Variants in PABPC1L observed in about 807,000 individuals in gnomAD.
The protein encoded by PABPC1L is poly(A) binding protein cytoplasmic 1 like.
PABPC1L carries 31 observed loss-of-function variants against 66.6 expected under a neutral mutation model. The ratio of observed to expected loss-of-function variants is 0.47; its 90% CI spans 0.35 to 0.63. The LOEUF (loss-of-function observed/expected upper bound fraction) is 0.63, where lower values mean the gene tolerates loss of function less well. Ranked by LOEUF, PABPC1L falls within the 20% of genes least tolerant of loss-of-function variation. The pLI is 0.00. For missense variants in PABPC1L, 722 were observed against 848.8 expected (o/e 0.85, Z 1.86); for synonymous variants, 348 against 335.1 (o/e 1.04, Z -0.42).
chr20:44,930,525 G>T lies in PABPC1L; in HGVS notation c.1038G>T (p.Ala346=), dbSNP rs758897975. The change falls in exon 8 of 15, where the codon GCG becomes GCT. Residue 346 remains alanine (A), a synonymous_variant. Coordinates refer to ENST00000217073, the MANE Select transcript of PABPC1L (RefSeq NM_001372179.1). The part of the protein sequence containing the change: ...GFVCFSSPEE[A]TKAVTEMNGR... ...TGTGTTTTTCCTCCCCAGAAGAGGCGACAAAGGCCGTGACAGAGATGAACG... is the reference window on the plus strand; with the variant it reads ...TGTGTTTTTCCTCCCCAGAAGAGGCTACAAAGGCCGTGACAGAGATGAACG... 6.2e-7 allele frequency: 1 copy of T among 1,614,256 alleles called. No homozygotes were observed. The highest frequency in any genetic ancestry group is 1.1e-5 in the South Asian group (1 of 91,092).
intron 8 of PABPC1L, among the ~76,000 whole-genome samples, 200 bp downstream of exon 8, chr20:44,930,926 ATGT>A (rs1219944731): frequency 6.6e-6 from 1 of 152,184 alleles, no homozygotes; most frequent in East Asian, 1.9e-4. Context: ...AAGCTCGTGA[ATGT>A]TGTGCTGAAA....
intron 2 of PABPC1L, among the ~76,000 whole-genome samples, chr20:44,916,071 C>T (rs1421405160): frequency 6.6e-6 from 1 of 152,004 alleles, no homozygotes; most frequent in Non-Finnish European, 1.5e-5. Flanking sequence ...TGTGCACATA[C>T]AGTAGACTGG....
chr20:44,925,810 C>G (rs1215127809), intron 7 of PABPC1L, among the ~76,000 whole-genome samples: 1 of 152,198 alleles, frequency 6.6e-6, no homozygotes, highest in Non-Finnish European at 1.5e-5. Context: ...TCTTTCCAAG[C>G]AAATGCATAT....
chr20:44,922,120 T>A (rs1207453581), intron 6 of PABPC1L, among the ~76,000 whole-genome samples: 1 of 152,216 alleles, frequency 6.6e-6, no homozygotes, highest in Non-Finnish European at 1.5e-5. Context: ...AGGCCAAATA[T>A]GTTACATCCA....
chr20:44,912,480 T>C (rs1480196234), intron 1 of PABPC1L, among the ~76,000 whole-genome samples, 180 bp from the exon 2 acceptor site: 1 of 152,192 alleles, frequency 6.6e-6, no homozygotes, highest in Non-Finnish European at 1.5e-5. Context: ...TCTCAGCTTA[T>C]CCTTCCTGAG....
chr20:44,910,716 G>T (rs1568640892), intron 1 of PABPC1L, among the ~76,000 whole-genome samples: 1 of 152,186 alleles, frequency 6.6e-6, no homozygotes, highest in Non-Finnish European at 1.5e-5. Flanking sequence ...CTTATAGAGT[G>T]CTTGTGAGGA....
intron 12 of PABPC1L, chr20:44,937,137 A>G (rs1382672678): frequency 2.7e-6 from 1 of 377,098 alleles, no homozygotes; most frequent in Non-Finnish European, 5.2e-6. Context: ...TCCAGTGCTC[A>G]ATGCGGGCAG....
intron 7 of PABPC1L, among the ~76,000 whole-genome samples, 197 bp from the exon 8 acceptor site, chr20:44,930,263 C>T (rs894025026): frequency 1.3e-5 from 2 of 151,950 alleles, no homozygotes; most frequent in African/African-American, 4.8e-5. Flanking sequence ...CCCTCCATCA[C>T]AGCTTGCTAA....
At chr20:44,928,570 G>C in intron 7 of PABPC1L, among the ~76,000 whole-genome samples, 1 of 151,992 alleles carries the variant, frequency 6.6e-6, no homozygotes, top group East Asian at 1.9e-4. Context: ...ACCTGAGGGG[G>C]ATCCATGGAC....
intron 1 of PABPC1L, among the ~76,000 whole-genome samples, chr20:44,911,206 G>A (rs1372518660): frequency 2.0e-5 from 3 of 152,072 alleles, no homozygotes; most frequent in Non-Finnish European, 4.4e-5. Context: ...GCTCACGCCT[G>A]TAATCCCAGC....
intron 2 of PABPC1L, among the ~76,000 whole-genome samples, chr20:44,914,993 T>C (rs1016363647): frequency 6.6e-6 from 1 of 152,212 alleles, no homozygotes; most frequent in Non-Finnish European, 1.5e-5. Flanking sequence ...GTAATGCCCT[T>C]AGCAGGTTCT....
intron 2 of PABPC1L, 144 bp from the exon 3 acceptor site, chr20:44,916,612 G>A (rs565495110): frequency 2.0e-5 from 15 of 745,294 alleles, no homozygotes; most frequent in Admixed American, 4.0e-5. Context: ...CACTCTTTGA[G>A]CTTCCATACC....
intron 7 of PABPC1L, among the ~76,000 whole-genome samples, chr20:44,925,279 A>T (rs1184390796): frequency 1.3e-5 from 2 of 151,734 alleles, no homozygotes. Context: ...TTCATTCTAT[A>T]CTTAAATACC....
intron 2 of PABPC1L, among the ~76,000 whole-genome samples, chr20:44,916,367 G>A (rs549591533): frequency 3.3e-5 from 5 of 152,244 alleles, no homozygotes; most frequent in East Asian, 3.9e-4. Context: ...CCGCCTCCTC[G>A]GTTCAAGCAA....
At chr20:44,923,939 G>A (rs1175164808) in intron 6 of PABPC1L, among the ~76,000 whole-genome samples, 4 of 152,334 alleles carry the variant, frequency 2.6e-5, no homozygotes, top group African/African-American at 9.6e-5. Context: ...CAGTGCAGAT[G>A]TGTGAGAACT....
Position 44,924,281 on chromosome 20 carries a change from G to C in PABPC1L, c.972+25G>C, listed in dbSNP as rs767867392. 1.4e-5 allele frequency: 21 copies of C among 1,546,020 alleles called. No individual in the cohort carries two copies. In the East Asian group the frequency reaches 4.5e-4, roughly 33 times the overall value. On this transcript the variant is annotated intron_variant, in intron 7 of 14. Coordinates refer to ENST00000217073, the MANE Select transcript of PABPC1L (RefSeq NM_001372179.1). Reference sequence around the variant, plus strand: ...GGTGAGGACTGGGGGCACCTCCGGGGGACAGCGTTCCCCTCCATCCTCTCA... The same window carrying C: ...GGTGAGGACTGGGGGCACCTCCGGGCGACAGCGTTCCCCTCCATCCTCTCA...
At position 44,930,984 on chromosome 20, in the gene PABPC1L, C is replaced by T. The variant is rs570906551; in HGVS notation, c.1239+258C>T. Among the ~76,000 whole-genome samples, 10 of 151,318 alleles carry T rather than the reference C, an allele frequency of 6.6e-5. No individual in the cohort carries two copies. In the South Asian group the frequency reaches 1.9e-3, roughly 28 times the overall value. On this transcript the variant is annotated intron_variant, in intron 8 of 14. Coordinates refer to ENST00000217073, the MANE Select transcript of PABPC1L (RefSeq NM_001372179.1). Reference sequence around the variant, plus strand: ...CAAGTTTGGGAAATGCTGCGTTAAGCAAGACCTACATTTTTCCTTCCTCCC... The same window carrying T: ...CAAGTTTGGGAAATGCTGCGTTAAGTAAGACCTACATTTTTCCTTCCTCCC...
intron 7 of PABPC1L, among the ~76,000 whole-genome samples, chr20:44,924,952 G>A (rs1478711203): frequency 1.4e-5 from 2 of 144,530 alleles, no homozygotes; most frequent in African/African-American, 2.9e-5. Context: ...TATGGCTCAC[G>A]CCTGTAATCC....
intron 1 of PABPC1L, 81 bp from the exon 2 acceptor site, chr20:44,912,579 G>A: frequency 2.4e-6 from 3 of 1,253,052 alleles, no homozygotes; most frequent in Non-Finnish European, 3.3e-6. Flanking sequence ...TTGGCTCCCA[G>A]TTAAGCACCT....
Sources: gnomAD v4.1 joint callset for allele counts (sites outside exome capture counted in the v4.1 genomes callset) on GRCh38, gnomAD v4.1.1 for gene constraint, MANE v1.5 for transcripts, NCBI Gene and HGNC (gene_info 2026-07-23, HGNC 2026-07-21) for gene names.